Variants in RABGAP1L observed in about 807,000 individuals in gnomAD.
RABGAP1L encodes RAB GTPase activating protein 1 like.
RABGAP1L carries 63 observed loss-of-function variants against 137.7 expected under a neutral mutation model. That is an observed-to-expected ratio of 0.46 (90% CI 0.37 to 0.56). The LOEUF is 0.56. RABGAP1L is among the 20% of genes least tolerant of loss of function. The pLI is 0.00. For synonymous variants in RABGAP1L, 431 were observed against 433.7 expected (o/e 0.99, Z 0.08); for missense variants, 1,095 against 1,244.0 (o/e 0.88, Z 1.80).
chr1:174,604,021 A>G (rs77338099), intron 13 of RABGAP1L, among the ~76,000 whole-genome samples: 3,429 of 151,840 alleles, frequency 0.023, 61 homozygotes, highest in Middle Eastern at 0.085. Context: ...GTTGGCGAAG[A>G]GCTGACACAA....
At chr1:174,347,399 G>T (rs189815202) in intron 11 of RABGAP1L, among the ~76,000 whole-genome samples, 2 of 151,128 alleles carry the variant, frequency 1.3e-5, no homozygotes, top group East Asian at 3.9e-4. Flanking sequence ...CCAATGTTGG[G>T]TGCATATATA....
chr1:174,654,382 T>C (rs1675804426), intron 14 of RABGAP1L, among the ~76,000 whole-genome samples: 1 of 152,228 alleles, frequency 6.6e-6, no homozygotes, highest in Non-Finnish European at 1.5e-5. Context: ...TTAATGCATA[T>C]AAACCCTAAA....
At chr1:174,865,991 C>T (rs956478580) in intron 19 of RABGAP1L, among the ~76,000 whole-genome samples, 2 of 151,764 alleles carry the variant, frequency 1.3e-5, no homozygotes, top group Non-Finnish European at 2.9e-5. Context: ...AAGATTCATA[C>T]TTAGTAAGTT....
At chr1:174,759,525 G>T (rs1685047634) in intron 18 of RABGAP1L, among the ~76,000 whole-genome samples, 2 of 151,432 alleles carry the variant, frequency 1.3e-5, no homozygotes, top group Admixed American at 1.3e-4. Flanking sequence ...AACCTGGGAG[G>T]CAGAGGTTGC....
chr1:174,557,191 A>C (rs1666935827), intron 13 of RABGAP1L, among the ~76,000 whole-genome samples: 1 of 152,196 alleles, frequency 6.6e-6, no homozygotes, highest in Admixed American at 6.5e-5. Flanking sequence ...GGTTCCACTC[A>C]AGATCAAGCC....
intron 3 of RABGAP1L, 72 bp from the exon 4 acceptor site, chr1:174,231,073 G>T: frequency 9.4e-7 from 1 of 1,064,994 alleles, no homozygotes; most frequent in Non-Finnish European, 1.4e-6. Flanking sequence ...TTTCTTTTTG[G>T]GCATTGGCAA....
chr1:174,526,848 T>G (rs1663915760), intron 13 of RABGAP1L, among the ~76,000 whole-genome samples: 1 of 152,126 alleles, frequency 6.6e-6, no homozygotes, highest in South Asian at 2.1e-4. Context: ...TCTTTATTAT[T>G]TCTTCCTTTC....
At chr1:174,411,213 A>G (rs1216991036) in intron 13 of RABGAP1L, among the ~76,000 whole-genome samples, 1 of 152,072 alleles carries the variant, frequency 6.6e-6, no homozygotes, top group Non-Finnish European at 1.5e-5. Context: ...TTCTTTTCCA[A>G]TTTGGATGCC....
intron 17 of RABGAP1L, among the ~76,000 whole-genome samples, chr1:174,747,009 C>A (rs940401951): frequency 2.0e-5 from 3 of 152,152 alleles, no homozygotes; most frequent in African/African-American, 7.2e-5. Context: ...ACTCCTACTA[C>A]GTACATGTTT....
At chr1:174,979,019 GA>G (rs1282461313) in intron 23 of RABGAP1L, 129 bp downstream of exon 23, 25 of 1,268,340 alleles carry the variant, frequency 2.0e-5, no homozygotes, top group Admixed American at 4.1e-5. Context: ...TATCTACAAG[GA>G]AAAAAAATTT....
chr1:174,395,994 A>G (rs1294388739), intron 13 of RABGAP1L, among the ~76,000 whole-genome samples: 1 of 152,192 alleles, frequency 6.6e-6, no homozygotes, highest in Non-Finnish European at 1.5e-5. Flanking sequence ...TAACAAAACC[A>G]TGAATCAAAA....
intron 13 of RABGAP1L, among the ~76,000 whole-genome samples, chr1:174,443,147 A>T (rs1654346264): frequency 6.6e-6 from 1 of 152,070 alleles, no homozygotes; most frequent in South Asian, 2.1e-4. Flanking sequence ...TTGATTCCGT[A>T]TCTTGGTTAT....
intron 10 of RABGAP1L, among the ~76,000 whole-genome samples, chr1:174,284,307 C>G (rs1192230865): frequency 6.6e-6 from 1 of 152,154 alleles, no homozygotes; most frequent in Non-Finnish European, 1.5e-5. Flanking sequence ...ATGAGTTTAA[C>G]TTTTTTAGAC....
chr1:174,550,001 T>G (rs1666303825), intron 13 of RABGAP1L, among the ~76,000 whole-genome samples: 1 of 152,146 alleles, frequency 6.6e-6, no homozygotes, highest in Non-Finnish European at 1.5e-5. Context: ...TGTAAATAGC[T>G]ACTACACTTC....
At chr1:174,668,313 A>G (rs756681097) in intron 14 of RABGAP1L, among the ~76,000 whole-genome samples, 1 of 152,090 alleles carries the variant, frequency 6.6e-6, no homozygotes, top group Non-Finnish European at 1.5e-5. Context: ...TTCTAATTCA[A>G]TGAGGTCAAC....
chr1:174,349,663 G>GA (rs1200326256), intron 11 of RABGAP1L, among the ~76,000 whole-genome samples: 1 of 135,908 alleles, frequency 7.4e-6, no homozygotes, highest in African/African-American at 2.7e-5. Context: ...TCCCGGACGA[G>GA]GCGGCTGGCC....
At chr1:174,371,713 A>T (rs1020607874) in intron 12 of RABGAP1L, among the ~76,000 whole-genome samples, 2 of 152,180 alleles carry the variant, frequency 1.3e-5, no homozygotes, top group African/African-American at 4.8e-5. Context: ...ATATTAGTAT[A>T]GACATAGAAA....
chr1:174,858,119 C>T (rs1224189117), intron 19 of RABGAP1L, among the ~76,000 whole-genome samples: 1 of 152,036 alleles, frequency 6.6e-6, no homozygotes, highest in African/African-American at 2.4e-5. Context: ...CTCAGATGAT[C>T]CTCCTACCTC....
chr1:174,310,144 G>T (rs190723506), intron 11 of RABGAP1L, among the ~76,000 whole-genome samples: 15 of 152,124 alleles, frequency 9.9e-5, no homozygotes, highest in Non-Finnish European at 1.9e-4. Flanking sequence ...TTAACTGTTT[G>T]AATATAACGG....
Sources: gnomAD v4.1 joint callset for allele counts (sites outside exome capture counted in the v4.1 genomes callset) on GRCh38, gnomAD v4.1.1 for gene constraint, MANE v1.5 for transcripts, NCBI Gene and HGNC (gene_info 2026-07-23, HGNC 2026-07-21) for gene names.